The following EML6 variants were observed in gnomAD, a reference collection of about 807,000 sequenced individuals.
EML6 encodes the protein EMAP like 6, also known as echinoderm microtubule-associated protein-like 6.
Under a neutral mutation model 240.1 loss-of-function variants are expected in EML6, and 154 were observed. The observed-to-expected ratio is 0.64, with a 90% CI of 0.56 to 0.73. The LOEUF (loss-of-function observed/expected upper bound fraction) is 0.73. EML6 is among the 30% of genes least tolerant of loss of function. The pLI is 0.00. For missense variants in EML6, 2,964 were observed against 2,474.6 expected, an observed-to-expected ratio of 1.20 and a Z score of -4.20; for synonymous variants, 1,148 against 899.0, an observed-to-expected ratio of 1.28 and a Z score of -4.95.
chr2:54,951,296 G>C (rs1400818394), intron 30 of EML6, among the ~76,000 whole-genome samples: 1 of 152,156 alleles, frequency 6.6e-6, no homozygotes, highest in Admixed American at 6.5e-5. Flanking sequence ...ACTTTGAGAG[G>C]CTGAGGTGGG....
At position 54,729,346 on chromosome 2, in the gene EML6, A is replaced by T. The variant is rs116362413; in HGVS notation, c.197+4088A>T. On this transcript the variant is annotated intron_variant, in intron 2 of 41. Transcript: ENST00000356458. ...TTGTGACCGATGCTGCTCACTTAATATGTATCATTTAGGGCTATCGTTTCA... is the reference window on the plus strand; with the variant it reads ...TTGTGACCGATGCTGCTCACTTAATTTGTATCATTTAGGGCTATCGTTTCA... 7.4e-3 allele frequency among the ~76,000 whole-genome samples: 1,120 copies of T among 152,328 alleles called. 14 individuals carry two copies. Among genetic ancestry groups the T allele is most frequent in the African/African-American group, 0.025 (1,053 of 41,568 alleles).
chr2:54,951,978 C>T (rs1333826996), intron 30 of EML6, among the ~76,000 whole-genome samples: 1 of 152,178 alleles, frequency 6.6e-6, no homozygotes, highest in African/African-American at 2.4e-5. Context: ...TTATGGAAGT[C>T]AGCAAACCCA....
chr2:54,726,371 T>C (rs1682908328), intron 2 of EML6, among the ~76,000 whole-genome samples: 1 of 152,264 alleles, frequency 6.6e-6, no homozygotes, highest in African/African-American at 2.4e-5. Context: ...ATGCTCCTAA[T>C]TTCTCAGTGC....
intron 4 of EML6, among the ~76,000 whole-genome samples, chr2:54,819,674 G>A (rs529615837): frequency 1.8e-4 from 27 of 151,778 alleles, no homozygotes; most frequent in Non-Finnish European, 1.8e-4. Flanking sequence ...TACTCGGGAG[G>A]CTGAGGCAGG....
At chr2:54,913,199 T>G (rs529635485) in intron 25 of EML6, among the ~76,000 whole-genome samples, 1 of 152,110 alleles carries the variant, frequency 6.6e-6, no homozygotes, top group South Asian at 2.1e-4. Flanking sequence ...GTTGGCTGCT[T>G]GTATGTCTTC....
chr2:54,790,917 GGGTT>G (rs1054848451), intron 2 of EML6, among the ~76,000 whole-genome samples: 3 of 151,694 alleles, frequency 2.0e-5, no homozygotes, highest in African/African-American at 7.3e-5. Flanking sequence ...AGTAGAGACG[GGGTT>G]TCACCATGTT....
intron 26 of EML6, among the ~76,000 whole-genome samples, chr2:54,919,042 C>T (rs1242560742): frequency 6.6e-6 from 1 of 152,200 alleles, no homozygotes; most frequent in Non-Finnish European, 1.5e-5. Context: ...TGCCACCTCT[C>T]CTGATTCCTA....
At chr2:54,900,919 A>G (rs1163929739) in intron 22 of EML6, among the ~76,000 whole-genome samples, 2 of 152,190 alleles carry the variant, frequency 1.3e-5, no homozygotes, top group Admixed American at 6.5e-5. Context: ...GGCTTGAAGG[A>G]TCTGTAAAAG....
At chr2:54,822,635 T>C (rs569516336) in intron 5 of EML6, among the ~76,000 whole-genome samples, 135 of 152,250 alleles carry the variant, frequency 8.9e-4, no homozygotes, top group Non-Finnish European at 1.4e-3. Context: ...AAGTTTACAG[T>C]TTACTTTGGG....
intron 28 of EML6, among the ~76,000 whole-genome samples, chr2:54,944,894 A>G (rs890605268): frequency 1.3e-5 from 2 of 151,898 alleles, no homozygotes; most frequent in African/African-American, 4.8e-5. Flanking sequence ...TTGATAACAG[A>G]GAGGCCCCCT....
intron 32 of EML6, among the ~76,000 whole-genome samples, chr2:54,956,189 A>C (rs1377687046): frequency 1.3e-5 from 2 of 152,352 alleles, no homozygotes; most frequent in East Asian, 1.9e-4. Flanking sequence ...CATGAAATTA[A>C]AACAAGGAAA....
At chr2:54,904,061 G>C (rs1330625686) in intron 24 of EML6, among the ~76,000 whole-genome samples, 1 of 152,172 alleles carries the variant, frequency 6.6e-6, no homozygotes, top group East Asian at 1.9e-4. Context: ...AGCTTTTATG[G>C]TGTTGCATAG....
At chr2:54,958,905 A>C (rs952091444) in intron 33 of EML6, among the ~76,000 whole-genome samples, 199 bp from the exon 34 acceptor site, 1 of 151,324 alleles carries the variant, frequency 6.6e-6, no homozygotes, top group African/African-American at 2.4e-5. Flanking sequence ...AATATAGTGA[A>C]TTTCCAAGCC....
intron 2 of EML6, among the ~76,000 whole-genome samples, chr2:54,810,657 C>A (rs1481918874): frequency 1.3e-5 from 2 of 152,164 alleles, no homozygotes; most frequent in Non-Finnish European, 2.9e-5. Flanking sequence ...GAACCTCTTG[C>A]CTATTGCAGG....
At chr2:54,752,798 C>CT (rs914786278) in intron 2 of EML6, among the ~76,000 whole-genome samples, 5 of 151,512 alleles carry the variant, frequency 3.3e-5, no homozygotes, top group Non-Finnish European at 7.4e-5. Flanking sequence ...CTTTTTAAAC[C>CT]TTTTTTTTGA....
chr2:54,826,475 C>A (rs1427720513), intron 5 of EML6, among the ~76,000 whole-genome samples: 1 of 152,150 alleles, frequency 6.6e-6, no homozygotes, highest in Non-Finnish European at 1.5e-5. Flanking sequence ...AGGCACATGC[C>A]TGTAGTCCCA....
At chr2:54,934,958 C>G (rs1675062641) in intron 28 of EML6, among the ~76,000 whole-genome samples, 1 of 152,188 alleles carries the variant, frequency 6.6e-6, no homozygotes, top group Non-Finnish European at 1.5e-5. Flanking sequence ...TCACTTGTCA[C>G]TCTGCCCTCA....
chr2:54,849,689 C>G (rs1669965543), intron 9 of EML6, among the ~76,000 whole-genome samples: 1 of 152,204 alleles, frequency 6.6e-6, no homozygotes, highest in African/African-American at 2.4e-5. Flanking sequence ...AGGGTTTCAC[C>G]TTGTTATCCA....
At chr2:54,842,288 T>G (rs759261587) in intron 7 of EML6, among the ~76,000 whole-genome samples, 25 of 152,314 alleles carry the variant, frequency 1.6e-4, no homozygotes, top group Non-Finnish European at 3.4e-4. Context: ...AAACAGTTTT[T>G]AGAATGTTAT....
Sources: gnomAD v4.1 joint callset for allele counts (sites outside exome capture counted in the v4.1 genomes callset) on GRCh38, gnomAD v4.1.1 for gene constraint, MANE v1.5 for transcripts, NCBI Gene and HGNC (gene_info 2026-07-23, HGNC 2026-07-21) for gene names.